Variants in MECOM observed in about 807,000 individuals in gnomAD.
MECOM encodes MDS1 and EVI1 complex locus.
A neutral mutation model predicts 116.3 loss-of-function variants in MECOM; 13 were observed. That is an observed-to-expected ratio of 0.11 (90% CI 0.07 to 0.18). The LOEUF is 0.18. Ranked by LOEUF, MECOM falls within the 10% of genes least tolerant of loss-of-function variation. The pLI is 1.00. For synonymous variants in MECOM, 528 were observed against 535.2 expected, an observed-to-expected ratio of 0.99 and a Z score of 0.19; for missense variants, 1,299 against 1,509.0, an observed-to-expected ratio of 0.86 and a Z score of 2.31.
chr3:169,485,993 AT>A lies in MECOM; in HGVS notation c.38-104470del, dbSNP rs1353735769. On this transcript the variant is annotated intron_variant, in intron 1 of 16. Transcript: ENST00000651503. ...ATATACATATATATATAGTATATAT[AT>A]GTATATATATACTATATATATATGT... Among the ~76,000 whole-genome samples, 14 of 97,142 alleles carry A rather than the reference AT, an allele frequency of 1.4e-4. 1 individual carries two copies. In the East Asian group the frequency reaches 2.5e-3, roughly 18 times the overall value. The allele number at this position is 97,142 out of a possible 152,430, so 63.7% of individuals were successfully genotyped here.
At chr3:169,216,203 G>A (rs1006259908) in intron 2 of MECOM, among the ~76,000 whole-genome samples, 4 of 152,090 alleles carry the variant, frequency 2.6e-5, no homozygotes, top group African/African-American at 9.7e-5. Flanking sequence ...TCCAAATCCC[G>A]AATCTTTCTT....
intron 1 of MECOM, among the ~76,000 whole-genome samples, chr3:169,656,516 A>G (rs1399076281): frequency 1.3e-5 from 2 of 152,210 alleles, no homozygotes; most frequent in Non-Finnish European, 2.9e-5. Context: ...ATAATGAAAC[A>G]GTTCTTTAAC....
intron 1 of MECOM, among the ~76,000 whole-genome samples, chr3:169,483,202 AT>A (rs200735642): frequency 0.085 from 8,747 of 102,942 alleles, 344 homozygotes; most frequent in African/African-American, 0.16. Flanking sequence ...TTTTATTTTT[AT>A]TTTTTTTTTT....
chr3:169,658,019 C>A (rs996950133), intron 1 of MECOM, among the ~76,000 whole-genome samples: 1 of 152,186 alleles, frequency 6.6e-6, no homozygotes, highest in African/African-American at 2.4e-5. Flanking sequence ...TATCCTCTTC[C>A]TTACACTTGT....
Position 169,089,335 on chromosome 3 carries a change from A to T in MECOM, c.3402-152T>A, listed in dbSNP as rs1023398333. The T allele has an allele frequency of 1.5e-5, 7 of 477,530 alleles. No homozygotes were observed. The East Asian group carries it at 2.1e-4, about 14-fold the overall frequency. The allele number at this position is 477,530 out of a possible 1,614,324, so 29.6% of individuals were successfully genotyped here. A position where few individuals can be genotyped will look rare whatever the true frequency, so the allele number is the denominator to read the frequency against. ...CATCAATTATTGGGTTTTTATAAAT[A>T]CTTACAAACATCATGTCTTAAAAAT... On this transcript the variant is annotated intron_variant, in intron 15 of 16. Coordinates refer to ENST00000651503, the MANE Select transcript of MECOM (RefSeq NM_004991.4).
chr3:169,426,152 C>T (rs1050045455), intron 1 of MECOM, among the ~76,000 whole-genome samples: 2 of 152,052 alleles, frequency 1.3e-5, no homozygotes, highest in South Asian at 4.1e-4. Context: ...TCTCCCTACA[C>T]GAAAATATAA....
At chr3:169,333,552 GA>G in intron 2 of MECOM, among the ~76,000 whole-genome samples, 1 of 151,930 alleles carries the variant, frequency 6.6e-6, no homozygotes. Context: ...CCTAAGCAAT[GA>G]AAAGCAAATT....
rs1455760205 is a variant in MECOM, at chr3:169,574,077, G to A, written c.37+89259C>T. 2.6e-5 allele frequency among the ~76,000 whole-genome samples: 4 copies of A among 152,092 alleles called. No individual in the cohort carries two copies. The East Asian group carries it at 7.7e-4, about 29-fold the overall frequency. On this transcript the variant is annotated intron_variant, in intron 1 of 16. Coordinates refer to ENST00000651503, the MANE Select transcript of MECOM (RefSeq NM_004991.4). ...CCATACATTTTTATGCTGTTTATTTGAAAATTAATTTTGGCTTAGGCCTCA... is the reference window on the plus strand; with the variant it reads ...CCATACATTTTTATGCTGTTTATTTAAAAATTAATTTTGGCTTAGGCCTCA...
intron 2 of MECOM, among the ~76,000 whole-genome samples, chr3:169,261,434 C>T (rs913561117): frequency 6.6e-6 from 1 of 152,112 alleles, no homozygotes; most frequent in Admixed American, 6.5e-5. Flanking sequence ...CACAGTGGCT[C>T]ATGCCTGTAA....
rs532370687 is a variant in MECOM, at chr3:169,089,400, A to G, written c.3402-217T>C. Reference sequence around the variant, plus strand: ...ATTTTTAGTAACTAAAGCCAAGCATATATTTGAGATAAAGAGTTAAAGTCA... The same window carrying G: ...ATTTTTAGTAACTAAAGCCAAGCATGTATTTGAGATAAAGAGTTAAAGTCA... On this transcript the variant is annotated intron_variant, in intron 15 of 16. Transcript: ENST00000651503. Among the ~76,000 whole-genome samples, 13 of 152,284 alleles carry G rather than the reference A, an allele frequency of 8.5e-5. No individual in the cohort carries two copies. In the South Asian group the frequency reaches 2.1e-3, roughly 24 times the overall value.
At chr3:169,349,869 C>T (rs1726007239) in intron 2 of MECOM, among the ~76,000 whole-genome samples, 1 of 151,872 alleles carries the variant, frequency 6.6e-6, no homozygotes. Flanking sequence ...TTAAAAACTC[C>T]AGTAACTCAA....
chr3:169,151,122 C>T (rs555466978), intron 2 of MECOM, among the ~76,000 whole-genome samples: 12 of 152,266 alleles, frequency 7.9e-5, no homozygotes, highest in Admixed American at 2.0e-4. Flanking sequence ...ACTTCATGGT[C>T]GTCCCAGAAG....
chr3:169,267,309 A>G (rs1051713420), intron 2 of MECOM, among the ~76,000 whole-genome samples: 6 of 152,194 alleles, frequency 3.9e-5, no homozygotes, highest in Admixed American at 3.9e-4. Context: ...GAGAAGTTGA[A>G]AAAGTGTTGA....
At chr3:169,366,888 A>T (rs974391091) in intron 2 of MECOM, among the ~76,000 whole-genome samples, 2 of 152,064 alleles carry the variant, frequency 1.3e-5, no homozygotes, top group African/African-American at 4.8e-5. Context: ...CTGACTGGCC[A>T]ATAGCCATAG....
chr3:169,624,778 G>A (rs1771156689), intron 1 of MECOM, among the ~76,000 whole-genome samples: 1 of 152,088 alleles, frequency 6.6e-6, no homozygotes, highest in Admixed American at 6.5e-5. Flanking sequence ...ACCCTCCCTC[G>A]AGGTAGCCAG....
intron 2 of MECOM, among the ~76,000 whole-genome samples, chr3:169,367,153 G>C (rs1047838888): frequency 1.3e-5 from 2 of 152,012 alleles, no homozygotes; most frequent in South Asian, 4.1e-4. Flanking sequence ...CAGAAATGCA[G>C]AGTGCTGGAT....
At chr3:169,449,779 A>G (rs1206388265) in intron 1 of MECOM, among the ~76,000 whole-genome samples, 1 of 152,172 alleles carries the variant, frequency 6.6e-6, no homozygotes, top group East Asian at 1.9e-4. Flanking sequence ...AAGAAATACA[A>G]TGAAACCATC....
At chr3:169,381,004 GC>G (rs1334166740) in intron 2 of MECOM, among the ~76,000 whole-genome samples, 182 bp downstream of exon 2, 1 of 152,034 alleles carries the variant, frequency 6.6e-6, no homozygotes, top group African/African-American at 2.4e-5. Context: ...CTCCTATCAC[GC>G]TATACCTTTA....
At chr3:169,442,791 C>T (rs1743950190) in intron 1 of MECOM, among the ~76,000 whole-genome samples, 1 of 152,172 alleles carries the variant, frequency 6.6e-6, no homozygotes, top group African/African-American at 2.4e-5. Context: ...TTGGAAACAC[C>T]ACCATCGATG....
Sources: allele counts gnomAD v4.1 joint callset (sites outside exome capture counted in the v4.1 genomes callset), GRCh38; gene constraint gnomAD v4.1.1; transcripts MANE v1.5; gene names NCBI Gene and HGNC (gene_info 2026-07-23, HGNC 2026-07-21).